The following POFUT3 variants were observed in gnomAD, a reference collection of about 807,000 sequenced individuals.
The protein encoded by POFUT3 is GDP-fucose protein O-fucosyltransferase 3.
At chr8:33,406,334 T>A in the POFUT3 span, among the ~76,000 whole-genome samples, 3 of 152,292 alleles carry the variant, frequency 2.0e-5, no homozygotes, top group East Asian at 5.8e-4. Flanking sequence ...CTGAATTCAA[T>A]TGTACATAAA....
chr8:33,409,085 AT>A, the POFUT3 span, among the ~76,000 whole-genome samples: 3 of 152,062 alleles, frequency 2.0e-5, no homozygotes, highest in African/African-American at 7.2e-5. Flanking sequence ...TCAAAGATCT[AT>A]GGTCATTTTC....
chr8:33,433,342 G>C, the POFUT3 span, among the ~76,000 whole-genome samples: 1 of 152,112 alleles, frequency 6.6e-6, no homozygotes, highest in East Asian at 1.9e-4. Context: ...TGGGCGCAGT[G>C]GCTCATGCCT....
chr8:33,447,908 G>A, the POFUT3 span, among the ~76,000 whole-genome samples: 1 of 152,176 alleles, frequency 6.6e-6, no homozygotes, highest in Admixed American at 6.5e-5. Flanking sequence ...ACAGAAGAGT[G>A]TGTTGTCTTC....
chr8:33,320,566 G>A, the POFUT3 span, among the ~76,000 whole-genome samples: 2 of 152,034 alleles, frequency 1.3e-5, no homozygotes, highest in African/African-American at 4.8e-5. Context: ...CATAGATCTG[G>A]GGTTACTTCA....
chr8:33,327,100 TCTC>T, the POFUT3 span, among the ~76,000 whole-genome samples: 1 of 152,112 alleles, frequency 6.6e-6, no homozygotes, highest in Non-Finnish European at 1.5e-5. Flanking sequence ...TTGGTCCCCT[TCTC>T]CTAAAAGGAG....
chr8:33,444,933 CTTT>C, the POFUT3 span, among the ~76,000 whole-genome samples: 1 of 121,638 alleles, frequency 8.2e-6, no homozygotes. Context: ...TGACCTTCAT[CTTT>C]TTTTTTTTTT....
the POFUT3 span, among the ~76,000 whole-genome samples, chr8:33,444,039 G>A: frequency 6.6e-6 from 1 of 150,772 alleles, no homozygotes; most frequent in East Asian, 2.0e-4. Flanking sequence ...GTTCTAAGCA[G>A]TAGGGCTATA....
the POFUT3 span, among the ~76,000 whole-genome samples, chr8:33,331,508 A>G: frequency 2.6e-5 from 4 of 152,162 alleles, no homozygotes; most frequent in East Asian, 3.9e-4. Context: ...TGGCCTATGC[A>G]AGTGTAGTTG....
the POFUT3 span, among the ~76,000 whole-genome samples, chr8:33,365,613 C>A: frequency 2.0e-5 from 3 of 152,206 alleles, no homozygotes; most frequent in African/African-American, 7.2e-5. Flanking sequence ...ACAGACACTT[C>A]TCAAAAGAAG....
At chr8:33,444,540 G>A in the POFUT3 span, among the ~76,000 whole-genome samples, 6 of 151,978 alleles carry the variant, frequency 3.9e-5, 1 homozygote, top group South Asian at 4.2e-4. Context: ...TATCTGGGCC[G>A]GGCGCAGTGG....
the POFUT3 span, chr8:33,372,722 C>T: frequency 8.5e-5 from 137 of 1,614,006 alleles, no homozygotes; most frequent in Admixed American, 4.5e-4. Flanking sequence ...AGGTGGAGTC[C>T]GGAGTGGTGA....
chr8:33,324,702 A>G, the POFUT3 span, among the ~76,000 whole-genome samples: 1 of 151,986 alleles, frequency 6.6e-6, no homozygotes, highest in African/African-American at 2.4e-5. Flanking sequence ...GGCTATTATT[A>G]TTATTATTTG....
chr8:33,345,654 G>T, the POFUT3 span, among the ~76,000 whole-genome samples: 1 of 151,738 alleles, frequency 6.6e-6, no homozygotes, highest in African/African-American at 2.4e-5. Context: ...GCCCACGTAG[G>T]CCTCCCAAAC....
chr8:33,447,839 C>T, the POFUT3 span, among the ~76,000 whole-genome samples: 1 of 152,126 alleles, frequency 6.6e-6, no homozygotes, highest in Non-Finnish European at 1.5e-5. Context: ...AATACTGCTG[C>T]CCCAGAATCC....
At chr8:33,378,814 G>A in the POFUT3 span, among the ~76,000 whole-genome samples, 1 of 152,128 alleles carries the variant, frequency 6.6e-6, no homozygotes, top group Non-Finnish European at 1.5e-5. Context: ...GGAAATGTTT[G>A]AAACCTGAGG....
At chr8:33,388,580 AC>A in the POFUT3 span, among the ~76,000 whole-genome samples, 5 of 151,952 alleles carry the variant, frequency 3.3e-5, no homozygotes, top group South Asian at 8.3e-4. Context: ...CAAGTGATCC[AC>A]CCACCTCAAC....
the POFUT3 span, among the ~76,000 whole-genome samples, chr8:33,345,459 G>A: frequency 1.4e-5 from 2 of 143,984 alleles, no homozygotes; most frequent in Admixed American, 1.4e-4. Flanking sequence ...GGAGTGTAAT[G>A]GCACAATCTC....
chr8:33,438,963 A>AC, the POFUT3 span, among the ~76,000 whole-genome samples: 1 of 151,948 alleles, frequency 6.6e-6, no homozygotes, highest in Non-Finnish European at 1.5e-5. Flanking sequence ...ACAATTCAAG[A>AC]GAGATTTGGG....
At chr8:33,430,730 T>A in the POFUT3 span, among the ~76,000 whole-genome samples, 4 of 152,168 alleles carry the variant, frequency 2.6e-5, no homozygotes, top group African/African-American at 2.4e-5. Flanking sequence ...TGCCTTAGCC[T>A]CCCGAGTCGC....
Sources: allele counts gnomAD v4.1 joint callset (sites outside exome capture counted in the v4.1 genomes callset), GRCh38; gene constraint gnomAD v4.1.1; transcripts MANE v1.5; gene names NCBI Gene and HGNC (gene_info 2026-07-23, HGNC 2026-07-21).